MBTPS1: variants seen among roughly 807,000 people sequenced by gnomAD.
MBTPS1 encodes membrane bound transcription factor peptidase, site 1, also known as membrane-bound transcription factor site-1 protease.
Under a neutral mutation model 127.8 loss-of-function variants are expected in MBTPS1, and 94 were observed. That is an observed-to-expected ratio of 0.74 (90% confidence interval 0.62 to 0.87). The LOEUF (loss-of-function observed/expected upper bound fraction) is 0.87. MBTPS1 is among the 40% of genes least tolerant of loss of function. The probability of loss-of-function intolerance (pLI) is 0.00; values close to 1 mark genes in which losing one functional copy is unlikely to be tolerated. For synonymous variants in MBTPS1, 632 were observed against 509.4 expected, an observed-to-expected ratio of 1.24 and a Z score of -3.24; for missense variants, 1,636 against 1,353.2, an observed-to-expected ratio of 1.21 and a Z score of -3.28.
chr16:84,107,732 T>C (rs992789331), intron 1 of MBTPS1, among the ~76,000 whole-genome samples: 1 of 144,352 alleles, frequency 6.9e-6, no homozygotes, highest in African/African-American at 2.6e-5. Context: ...TGAGACAGGG[T>C]CCCGCTTGGT....
intron 7 of MBTPS1, 57 bp downstream of exon 7, chr16:84,091,674 TG>T (rs1162372930): frequency 8.7e-7 from 1 of 1,151,238 alleles, no homozygotes; most frequent in Non-Finnish European, 1.3e-6. Flanking sequence ...GATGCAAAGT[TG>T]GGCTGCGAAA....
chr16:84,091,329 T>C (rs1000881658), intron 7 of MBTPS1, among the ~76,000 whole-genome samples: 2 of 151,700 alleles, frequency 1.3e-5, no homozygotes, highest in Admixed American at 6.6e-5. Context: ...CTACTAAAAA[T>C]AGCAAAATTA....
chr16:84,085,523 C>T (rs1007137509), intron 9 of MBTPS1, among the ~76,000 whole-genome samples: 1 of 151,704 alleles, frequency 6.6e-6, no homozygotes, highest in African/African-American at 2.4e-5. Flanking sequence ...CCACTGCACT[C>T]CAGCCTGGGC....
intron 10 of MBTPS1, 89 bp from the exon 11 acceptor site, chr16:84,081,997 A>G: frequency 2.1e-6 from 2 of 942,340 alleles, no homozygotes; most frequent in Non-Finnish European, 2.9e-6. Context: ...CGTGCACACA[A>G]GAGGCCTGCA....
At chr16:84,068,600 G>C (rs2085725329) in intron 14 of MBTPS1, 146 bp from the exon 15 acceptor site, 2 of 633,016 alleles carry the variant, frequency 3.2e-6, no homozygotes, top group Admixed American at 5.2e-5. Context: ...ACAGGCATCA[G>C]CTTAGGAGAC....
chr16:84,083,356 A>T (rs1234282722), intron 10 of MBTPS1, among the ~76,000 whole-genome samples: 1 of 152,244 alleles, frequency 6.6e-6, no homozygotes, highest in African/African-American at 2.4e-5. Flanking sequence ...GCACATGGTT[A>T]TTCTCCAAAG....
intron 11 of MBTPS1, among the ~76,000 whole-genome samples, chr16:84,078,954 C>G (rs2085899528): frequency 6.6e-6 from 1 of 152,190 alleles, no homozygotes; most frequent in South Asian, 2.1e-4. Flanking sequence ...CTCGCCCCCT[C>G]CCAATCTCAC....
chr16:84,061,026 C>G, intron 19 of MBTPS1: 1 of 390,336 alleles, frequency 2.6e-6, no homozygotes, highest in Admixed American at 3.7e-5. Flanking sequence ...AGAAATGGGT[C>G]TGGCTGGTCT....
intron 8 of MBTPS1, among the ~76,000 whole-genome samples, chr16:84,090,587 G>C (rs1318660606): frequency 2.0e-5 from 3 of 152,138 alleles, no homozygotes; most frequent in African/African-American, 7.2e-5. Context: ...AAAAAAAGTA[G>C]TTAGAATAAA....
intron 7 of MBTPS1, among the ~76,000 whole-genome samples, chr16:84,091,184 T>C (rs575911222): frequency 7.2e-5 from 11 of 152,236 alleles, no homozygotes; most frequent in African/African-American, 2.4e-4. Flanking sequence ...ACGAATTGCA[T>C]GTTTAGGTAA....
At chr16:84,073,750 A>G (rs1366682488) in intron 12 of MBTPS1, among the ~76,000 whole-genome samples, 1 of 152,130 alleles carries the variant, frequency 6.6e-6, no homozygotes, top group Non-Finnish European at 1.5e-5. Context: ...CACACCTGTA[A>G]TCCCAGGACT....
intron 1 of MBTPS1, among the ~76,000 whole-genome samples, chr16:84,116,266 T>A (rs1289468653): frequency 2.0e-5 from 3 of 152,172 alleles, no homozygotes; most frequent in Non-Finnish European, 4.4e-5. Context: ...GCAAGATTTT[T>A]AAGAAGCTAC....
chr16:84,058,884 T>C (rs1185697359), intron 21 of MBTPS1, among the ~76,000 whole-genome samples: 1 of 152,122 alleles, frequency 6.6e-6, no homozygotes, highest in Non-Finnish European at 1.5e-5. Context: ...AAGCATGCTC[T>C]TCTTGGACAG....
intron 6 of MBTPS1, 49 bp downstream of exon 6, chr16:84,093,139 A>T: frequency 8.1e-7 from 1 of 1,239,044 alleles, no homozygotes; most frequent in Non-Finnish European, 1.2e-6. Context: ...TCTGCTTTTT[A>T]CATTTCAGTA....
intron 19 of MBTPS1, among the ~76,000 whole-genome samples, chr16:84,062,165 G>C (rs934178826): frequency 1.3e-5 from 2 of 152,094 alleles, no homozygotes; most frequent in African/African-American, 2.4e-5. Flanking sequence ...CTGTCACCCA[G>C]GCTGGAGTGC....
chr16:84,087,236 C>G, intron 9 of MBTPS1, 122 bp downstream of exon 9: 1 of 723,028 alleles, frequency 1.4e-6, no homozygotes, highest in African/African-American at 1.8e-5. Context: ...CCGGCTATTC[C>G]CATGTGAATG....
chr16:84,116,556 G>C (rs1169483603), intron 1 of MBTPS1, among the ~76,000 whole-genome samples, 179 bp downstream of exon 1: 1 of 152,160 alleles, frequency 6.6e-6, no homozygotes, highest in Non-Finnish European at 1.5e-5. Context: ...GCAGGGCCGC[G>C]GTACAGGCAC....
chr16:84,095,098 A>T (rs2086161282), intron 4 of MBTPS1, among the ~76,000 whole-genome samples: 1 of 152,232 alleles, frequency 6.6e-6, no homozygotes, highest in South Asian at 2.1e-4. Flanking sequence ...CCTGTTCTGA[A>T]ACAAATCATC....
At chr16:84,072,302 A>C (rs1181596204) in intron 12 of MBTPS1, among the ~76,000 whole-genome samples, 1 of 151,896 alleles carries the variant, frequency 6.6e-6, no homozygotes, top group Non-Finnish European at 1.5e-5. Flanking sequence ...CTGGTTGCCA[A>C]GGGCTGGTGG....
Sources: allele counts gnomAD v4.1 joint callset (sites outside exome capture counted in the v4.1 genomes callset), GRCh38; gene constraint gnomAD v4.1.1; transcripts MANE v1.5; gene names NCBI Gene and HGNC (gene_info 2026-07-23, HGNC 2026-07-21).